Variants in FGGY observed in about 807,000 individuals in gnomAD.
The protein encoded by FGGY is FGGY carbohydrate kinase domain-containing protein.
A neutral mutation model predicts 71.3 loss-of-function variants in FGGY; 72 were observed. That is an observed-to-expected ratio of 1.01 (90% CI 0.84 to 1.23). The LOEUF (loss-of-function observed/expected upper bound fraction) is 1.23, where lower values mean the gene tolerates loss of function less well. Ranked by LOEUF, FGGY falls within the 50% of genes most tolerant of loss-of-function variation. The pLI is 0.00. For synonymous variants in FGGY, 251 were observed against 250.3 expected (o/e 1.00, Z -0.02); for missense variants, 668 against 682.3 (o/e 0.98, Z 0.23).
chr1:59,537,844 A>T (rs1019289974), intron 7 of FGGY, among the ~76,000 whole-genome samples: 4 of 152,200 alleles, frequency 2.6e-5, no homozygotes, highest in Admixed American at 6.5e-5. Flanking sequence ...ACAAAAATCA[A>T]TTCAAGATGG....
intron 14 of FGGY, among the ~76,000 whole-genome samples, chr1:59,701,369 TTGAC>T (rs2097708194): frequency 6.6e-6 from 1 of 152,158 alleles, no homozygotes; most frequent in East Asian, 1.9e-4. Context: ...AGACTGGAAA[TTGAC>T]TGAGGACAGA....
chr1:59,588,014 C>G (rs906851514), intron 8 of FGGY, among the ~76,000 whole-genome samples: 15 of 152,092 alleles, frequency 9.9e-5, no homozygotes, highest in Non-Finnish European at 1.9e-4. Flanking sequence ...GAAGGAAATT[C>G]AAACCAAAGG....
At chr1:59,677,646 TA>T (rs1199184745) in intron 14 of FGGY, among the ~76,000 whole-genome samples, 4 of 152,198 alleles carry the variant, frequency 2.6e-5, no homozygotes, top group Non-Finnish European at 5.9e-5. Flanking sequence ...CTGTAGATTT[TA>T]CTTGTAGCTT....
chr1:59,365,488 G>T (rs1211356799), intron 4 of FGGY, among the ~76,000 whole-genome samples: 2 of 152,280 alleles, frequency 1.3e-5, no homozygotes, highest in East Asian at 3.9e-4. Context: ...ACAAGGCATG[G>T]CTTGATCCAG....
chr1:59,726,945 G>A (rs1404301376), intron 14 of FGGY, among the ~76,000 whole-genome samples: 2 of 152,024 alleles, frequency 1.3e-5, no homozygotes, highest in African/African-American at 2.4e-5. Context: ...TTGTTACATA[G>A]GTATATTGTG....
chr1:59,427,198 G>C (rs989744139), intron 5 of FGGY, among the ~76,000 whole-genome samples: 1 of 152,206 alleles, frequency 6.6e-6, no homozygotes, highest in African/African-American at 2.4e-5. Flanking sequence ...TGGGAACTCA[G>C]GTCCATAGCA....
At chr1:59,593,070 C>G (rs1352935803) in intron 8 of FGGY, among the ~76,000 whole-genome samples, 2 of 152,224 alleles carry the variant, frequency 1.3e-5, no homozygotes, top group Non-Finnish European at 2.9e-5. Flanking sequence ...TGATGCTGAT[C>G]TAGAGCCCAG....
intron 2 of FGGY, among the ~76,000 whole-genome samples, chr1:59,336,282 G>T (rs2049480875): frequency 6.6e-6 from 1 of 152,024 alleles, no homozygotes; most frequent in African/African-American, 2.4e-5. Flanking sequence ...AAAGCCAATT[G>T]CCATAAATGG....
chr1:59,455,782 C>A (rs2091628732), intron 5 of FGGY, among the ~76,000 whole-genome samples: 1 of 152,192 alleles, frequency 6.6e-6, no homozygotes. Context: ...GAACTGGAAT[C>A]TCAGCCTAGG....
At chr1:59,422,863 A>G (rs769437707) in intron 5 of FGGY, among the ~76,000 whole-genome samples, 7 of 152,204 alleles carry the variant, frequency 4.6e-5, no homozygotes, top group African/African-American at 1.2e-4. Context: ...AACTTGACTC[A>G]TAATTTATAT....
chr1:59,691,662 G>A (rs1163692355), intron 14 of FGGY, among the ~76,000 whole-genome samples: 1 of 95,510 alleles, frequency 1.0e-5, no homozygotes, highest in Non-Finnish European at 2.2e-5. Context: ...TTTTTTAACT[G>A]TATGTTTCAA....
chr1:59,641,252 AAAAAG>A, intron 11 of FGGY: 1 of 1,592,060 alleles, frequency 6.3e-7, no homozygotes, highest in Non-Finnish European at 8.6e-7. Flanking sequence ...TTAATAATAA[AAAAAG>A]AAAATTTTCT....
At chr1:59,700,570 C>A (rs1034550044) in intron 14 of FGGY, among the ~76,000 whole-genome samples, 3 of 152,076 alleles carry the variant, frequency 2.0e-5, no homozygotes, top group African/African-American at 7.2e-5. Flanking sequence ...TTTTCTTAGC[C>A]CCATTAGCCT....
intron 8 of FGGY, among the ~76,000 whole-genome samples, chr1:59,555,989 G>A (rs909267651): frequency 2.6e-5 from 4 of 152,076 alleles, no homozygotes; most frequent in African/African-American, 7.2e-5. Context: ...CAACAAGAGC[G>A]ACACTCCATC....
At chr1:59,364,705 A>G (rs999782458) in intron 4 of FGGY, among the ~76,000 whole-genome samples, 1 of 152,204 alleles carries the variant, frequency 6.6e-6, no homozygotes, top group African/African-American at 2.4e-5. Context: ...ATAGAGTACT[A>G]TAGGGGCATA....
At chr1:59,653,462 G>GT (rs1558688520) in intron 11 of FGGY, among the ~76,000 whole-genome samples, 1 of 152,170 alleles carries the variant, frequency 6.6e-6, no homozygotes, top group Admixed American at 6.5e-5. Flanking sequence ...GTGGTTCGCC[G>GT]TTTTTTAAGC....
intron 9 of FGGY, among the ~76,000 whole-genome samples, chr1:59,612,078 G>A (rs1219395587): frequency 6.6e-6 from 1 of 152,196 alleles, no homozygotes; most frequent in Non-Finnish European, 1.5e-5. Context: ...ACACTCTGCA[G>A]GATATTATCC....
intron 6 of FGGY, among the ~76,000 whole-genome samples, chr1:59,500,634 C>G (rs1361622509): frequency 2.4e-5 from 3 of 125,464 alleles, no homozygotes; most frequent in Non-Finnish European, 3.2e-5. Context: ...TAAGATCACA[C>G]TCTTCATTGT....
intron 8 of FGGY, among the ~76,000 whole-genome samples, chr1:59,576,121 T>A (rs1032942747): frequency 6.6e-6 from 1 of 152,176 alleles, no homozygotes; most frequent in South Asian, 2.1e-4. Context: ...GCAGCACTGT[T>A]TACAATAGCA....
Sources: allele counts gnomAD v4.1 joint callset (sites outside exome capture counted in the v4.1 genomes callset), GRCh38; gene constraint gnomAD v4.1.1; transcripts MANE v1.5; gene names NCBI Gene and HGNC (gene_info 2026-07-23, HGNC 2026-07-21).